Variants in NRG1 observed in about 807,000 individuals in gnomAD.
NRG1 encodes pro-neuregulin-1, membrane-bound isoform.
NRG1 carries 18 observed loss-of-function variants against 63.8 expected under a neutral mutation model. The ratio of observed to expected loss-of-function variants is 0.28; its 90% confidence interval spans 0.19 to 0.42. NRG1 has a LOEUF of 0.42. Ranked by LOEUF, NRG1 falls within the 10% of genes least tolerant of loss-of-function variation. The pLI is 1.00. For missense variants in NRG1, 762 were observed against 814.7 expected (o/e 0.94, Z 0.79); for synonymous variants, 302 against 301.3 (o/e 1.00, Z -0.02).
intron 1 of NRG1, among the ~76,000 whole-genome samples, chr8:31,641,321 G>A (rs1803758666): frequency 6.8e-6 from 1 of 146,244 alleles, no homozygotes; most frequent in Non-Finnish European, 1.5e-5. Context: ...TTATAAAGTT[G>A]TTATTGGTGG....
At chr8:32,265,844 A>G (rs1422862306) in intron 1 of NRG1, among the ~76,000 whole-genome samples, 1 of 152,132 alleles carries the variant, frequency 6.6e-6, no homozygotes, top group African/African-American at 2.4e-5. Flanking sequence ...CCCTGTCTTT[A>G]AAAAAATAAT....
intron 1 of NRG1, among the ~76,000 whole-genome samples, chr8:31,770,292 A>G (rs1403237900): frequency 1.3e-5 from 2 of 152,182 alleles, no homozygotes; most frequent in African/African-American, 4.8e-5. Flanking sequence ...TAAAACCCTG[A>G]ATTCAAAAAT....
At chr8:32,367,560 C>T (rs1157993419) in intron 1 of NRG1, among the ~76,000 whole-genome samples, 1 of 152,056 alleles carries the variant, frequency 6.6e-6, no homozygotes, top group Admixed American at 6.6e-5. Flanking sequence ...CCTGGATATA[C>T]AAGGAACTCA....
At chr8:31,754,519 C>G (rs1485485179) in intron 1 of NRG1, among the ~76,000 whole-genome samples, 1 of 152,122 alleles carries the variant, frequency 6.6e-6, no homozygotes, top group Admixed American at 6.5e-5. Context: ...CCTCTACAGC[C>G]TGCAGAACCA....
intron 1 of NRG1, among the ~76,000 whole-genome samples, chr8:32,113,730 G>A (rs1203214888): frequency 6.6e-6 from 1 of 152,186 alleles, no homozygotes; most frequent in Non-Finnish European, 1.5e-5. Flanking sequence ...TCAGTTTGAT[G>A]GGTCAAGACC....
intron 7 of NRG1, among the ~76,000 whole-genome samples, chr8:32,747,730 G>GTA (rs1466374324): frequency 2.5e-5 from 3 of 120,608 alleles, no homozygotes; most frequent in African/African-American, 3.5e-5. Context: ...ATATGTGTGT[G>GTA]TGTATATATA....
At chr8:32,122,991 C>T (rs765167353) in intron 1 of NRG1, among the ~76,000 whole-genome samples, 14 of 151,480 alleles carry the variant, frequency 9.2e-5, no homozygotes, top group Admixed American at 3.9e-4. Flanking sequence ...ACTATGCAGC[C>T]GTAAAAAATG....
At chr8:32,589,145 A>G (rs764813954) in intron 1 of NRG1, among the ~76,000 whole-genome samples, 5 of 152,230 alleles carry the variant, frequency 3.3e-5, no homozygotes, top group South Asian at 2.1e-4. Context: ...TACACATTTG[A>G]TAAGACAAAC....
rs1815643248 is a variant in NRG1, at chr8:32,703,939, C to T, written c.503-24010C>T. Among the ~76,000 whole-genome samples the T allele has an allele frequency of 2.0e-5, 3 of 152,248 alleles. No individual in the cohort carries two copies. In the South Asian group the frequency reaches 6.2e-4, roughly 32 times the overall value. ...GCCCTTTCTGATACCTTTGTGTGTG[C>T]TCAGATTGGCACACTGATTAATTTC... On this transcript the variant is annotated intron_variant, in intron 5 of 11. Coordinates refer to ENST00000356819, the Ensembl canonical transcript of NRG1.
chr8:32,269,085 T>G (rs1048650017), intron 1 of NRG1, among the ~76,000 whole-genome samples: 3 of 152,000 alleles, frequency 2.0e-5, no homozygotes, highest in Non-Finnish European at 4.4e-5. Context: ...CCTCTCTCCC[T>G]CCCTCCTTCC....
At chr8:32,426,595 A>G (rs1387408059) in intron 1 of NRG1, among the ~76,000 whole-genome samples, 3 of 152,156 alleles carry the variant, frequency 2.0e-5, no homozygotes, top group African/African-American at 7.2e-5. Context: ...TAAATGGAAG[A>G]ATACATCCAC....
At chr8:32,498,592 C>CGTTCA (rs56945197) in intron 1 of NRG1, among the ~76,000 whole-genome samples, 94,464 of 151,742 alleles carry the variant, frequency 0.62, 29,633 homozygotes, top group East Asian at 0.79. Context: ...CAGCCCCCAT[C>CGTTCA]GTTCAATTAC....
chr8:32,398,493 C>T (rs144403326), intron 1 of NRG1, among the ~76,000 whole-genome samples: 160 of 152,072 alleles, frequency 1.1e-3, no homozygotes, highest in African/African-American at 3.6e-3. Context: ...TCACTGCAAC[C>T]CCTGCCTCCC....
intron 1 of NRG1, among the ~76,000 whole-genome samples, chr8:32,069,115 C>T (rs753006563): frequency 3.3e-5 from 5 of 152,130 alleles, no homozygotes; most frequent in African/African-American, 9.7e-5. Flanking sequence ...AGGGATGAAC[C>T]GTCCTCAGGG....
intron 5 of NRG1, among the ~76,000 whole-genome samples, chr8:32,640,286 C>T (rs1042755031): frequency 1.3e-5 from 2 of 150,262 alleles, no homozygotes; most frequent in Non-Finnish European, 3.0e-5. Flanking sequence ...CACGCACACA[C>T]ACCACACAGT....
chr8:32,045,611 G>A (rs1483962149), intron 1 of NRG1, among the ~76,000 whole-genome samples: 1 of 151,854 alleles, frequency 6.6e-6, no homozygotes, highest in Non-Finnish European at 1.5e-5. Context: ...TATCAGAGAC[G>A]AGATCAGTGG....
At chr8:32,700,729 G>GCTAAGA (rs1168119772) in intron 5 of NRG1, among the ~76,000 whole-genome samples, 1 of 152,210 alleles carries the variant, frequency 6.6e-6, no homozygotes, top group Non-Finnish European at 1.5e-5. Context: ...AATATGTAGT[G>GCTAAGA]TATTATGCTA....
rs559435523 is a variant in NRG1 at position 31,920,977 on chromosome 8, A to G, written c.37+281546A>G. Among the ~76,000 whole-genome samples, 8 of 152,280 alleles carry G rather than the reference A, an allele frequency of 5.3e-5. No individual in the cohort carries two copies. In the South Asian group the frequency reaches 1.4e-3, roughly 28 times the overall value. On this transcript the variant is annotated intron_variant, in intron 1 of 10. Transcript: ENST00000519301. ...TTTTCATAATATTTCAAAAGCTTCT[A>G]TTGTACTATCTATGCTTTTATACAT...
downstream of NRG1, among the ~76,000 whole-genome samples, chr8:32,770,117 G>GCCCAC (rs1303758905): frequency 6.6e-6 from 1 of 152,072 alleles, no homozygotes; most frequent in Non-Finnish European, 1.5e-5. Context: ...GGACATCTCT[G>GCCCAC]CCCACCCCAC....
Sources: allele counts gnomAD v4.1 joint callset (sites outside exome capture counted in the v4.1 genomes callset), GRCh38; gene constraint gnomAD v4.1.1; transcripts MANE v1.5; gene names NCBI Gene and HGNC (gene_info 2026-07-23, HGNC 2026-07-21).